Variants in FAM120AOS observed in about 807,000 individuals in gnomAD.
The protein encoded by FAM120AOS is uncharacterized protein FAM120AOS.
FAM120AOS carries 15 observed loss-of-function variants against 20.2 expected under a neutral mutation model. The ratio of observed to expected loss-of-function variants is 0.74; its 90% CI spans 0.50 to 1.15. FAM120AOS has a LOEUF of 1.15. FAM120AOS is among the 50% of genes most tolerant of loss of function. The probability of loss-of-function intolerance (pLI) is 0.00; values close to 1 mark genes in which losing one functional copy is unlikely to be tolerated. For missense variants in FAM120AOS, 327 were observed against 351.9 expected (o/e 0.93, Z 0.57); for synonymous variants, 154 against 154.0 (o/e 1.00, Z 0.00).
intron 1 of FAM120AOS, chr9:93,451,338 G>T: frequency 7.0e-7 from 1 of 1,432,820 alleles, no homozygotes; most frequent in Non-Finnish European, 9.1e-7. Context: ...GACCTGCTTC[G>T]CGGCTTCCCT....
At chr9:93,448,032 C>T (rs937811208) in intron 2 of FAM120AOS, among the ~76,000 whole-genome samples, 1 of 152,202 alleles carries the variant, frequency 6.6e-6, no homozygotes, top group Non-Finnish European at 1.5e-5. Flanking sequence ...GATTAATTTG[C>T]TCTCTTCCAT....
chr9:93,448,919 G>A (rs975216092), intron 2 of FAM120AOS, among the ~76,000 whole-genome samples: 3 of 152,150 alleles, frequency 2.0e-5, no homozygotes, highest in Non-Finnish European at 2.9e-5. Flanking sequence ...CACTGCGCCC[G>A]GCCCAGATGT....
At chr9:93,450,725 A>G in intron 1 of FAM120AOS, 126 bp from the exon 2 acceptor site, 1 of 1,419,056 alleles carries the variant, frequency 7.0e-7, no homozygotes, top group Non-Finnish European at 9.7e-7. Flanking sequence ...TGTTTTATGC[A>G]AGCCTAATAT....
At position 93,452,496 on chromosome 9, in the gene FAM120AOS, G is replaced by A. The variant is rs971938855; in HGVS notation, c.214C>T (p.Arg72Cys). 1 of 1,545,422 alleles carries A rather than the reference G, an allele frequency of 6.5e-7. No individual in the cohort carries two copies. The highest frequency in any genetic ancestry group is 1.9e-5 in the Admixed American group (1 of 51,288). The stretch of plus-strand genomic sequence containing the variant: ...CGGCCGTGGCGGCGCTGGGGGCAGC[G>A]AGTTCCCCCAGCCCTTGCCCGGGAT... Reference protein sequence around the residue: ...RLSRARAGGTRCPQRRHGRAT... With the variant: ...RLSRARAGGTCCPQRRHGRAT... The change falls in exon 1 of 3, where the codon CGC (arginine) becomes TGC (cysteine). Residue 72 changes from arginine to cysteine, a missense_variant. Physicochemically the swap from Arg to Cys is radical, Grantham distance 180. This residue lies in a region of FAM120AOS where 155 missense variants were observed against 128.8 expected (regional missense o/e 1.20). Transcript: ENST00000375412. This position sits in a 1 kb window ranked among gnomAD's most constrained non-coding sequence, Gnocchi z 7.0.
chr9:93,446,640 G>A lies in FAM120AOS; in HGVS notation c.*971C>T, dbSNP rs1439695662. The A allele has an allele frequency of 6.6e-6, 1 of 152,152 alleles. No homozygotes were observed. Among genetic ancestry groups the A allele is most frequent in the East Asian group, 1.9e-4 (1 of 5,202 alleles). 9.4% of individuals were successfully genotyped at this position (152,152 alleles called of 1,614,324 possible). On this transcript the variant is annotated 3_prime_UTR_variant, in exon 3 of 3. Transcript: ENST00000375412. ...AGTACTGTCTTTCAAAGCAGTCCCTGTCAGTTTGTCCATTGATTCCATAGC... is the reference window on the plus strand; with the variant it reads ...AGTACTGTCTTTCAAAGCAGTCCCTATCAGTTTGTCCATTGATTCCATAGC...
intron 1 of FAM120AOS, 134 bp from the exon 2 acceptor site, chr9:93,450,733 T>C (rs1218113728): frequency 1.5e-6 from 2 of 1,361,970 alleles, no homozygotes; most frequent in East Asian, 2.5e-5. Flanking sequence ...GCAAGCCTAA[T>C]ATACATACAG....
Position 93,447,563 on chromosome 9 carries a change from G to T in FAM120AOS, c.*48C>A. On this transcript the variant is annotated 3_prime_UTR_variant, in exon 3 of 3. Transcript: ENST00000375412. ...TTTCCCTCACACGATGGGTATCAGG[G>T]TGGTTTCTTGTCCTTTCAATGCCTC... 1 of 1,502,626 alleles carries T rather than the reference G, an allele frequency of 6.7e-7. No individual in the cohort carries two copies. Among genetic ancestry groups the T allele is most frequent in the Non-Finnish European group, 9.3e-7 (1 of 1,080,254 alleles). The allele number at this position is 1,502,626 out of a possible 1,614,324, so 93.1% of individuals were successfully genotyped here.
chr9:93,449,385 CT>C (rs1179788397), intron 2 of FAM120AOS, among the ~76,000 whole-genome samples: 3 of 151,636 alleles, frequency 2.0e-5, no homozygotes, highest in Non-Finnish European at 4.4e-5. Flanking sequence ...AGGGCACAGA[CT>C]TATCATAAGA....
rs1042755898 is a variant in FAM120AOS, at chr9:93,443,403, T to C, written c.*4208A>G. 6.6e-6 allele frequency among the ~76,000 whole-genome samples: 1 copy of C among 152,224 alleles called. No homozygotes were observed. The highest frequency in any genetic ancestry group is 1.5e-5 in the Non-Finnish European group (1 of 68,036). ...CAAGATTATCAATGTTTTGACAATTTTCAAAAGACAGGAAAAAAATCACAA... is the reference window on the plus strand; with the variant it reads ...CAAGATTATCAATGTTTTGACAATTCTCAAAAGACAGGAAAAAAATCACAA... On this transcript the variant is annotated 3_prime_UTR_variant, in exon 3 of 3. Coordinates refer to ENST00000375412, the MANE Select transcript of FAM120AOS (RefSeq NM_198841.4).
intron 2 of FAM120AOS, among the ~76,000 whole-genome samples, chr9:93,449,459 T>C (rs1856990786): frequency 6.6e-6 from 1 of 151,960 alleles, no homozygotes. Context: ...TGAAAATAAA[T>C]TTATTTCCAG....
rs777827813 is a variant in FAM120AOS at position 93,452,057 on chromosome 9, G to C, written c.563+90C>G. On this transcript the variant is annotated intron_variant, in intron 1 of 2. Transcript: ENST00000375412. The surrounding 1 kb of genome is among the most constrained non-coding windows in gnomAD (Gnocchi z 7.0). ...CCCGCAGACCCCGCTGCGCCTGCTGGTGGACGCCGACAACTGCCTGCACCG... is the reference window on the plus strand; with the variant it reads ...CCCGCAGACCCCGCTGCGCCTGCTGCTGGACGCCGACAACTGCCTGCACCG... The C allele has an allele frequency of 6.3e-7, 1 of 1,589,628 alleles. No individual in the cohort carries two copies. Among genetic ancestry groups the C allele is most frequent in the South Asian group, 1.1e-5 (1 of 88,708 alleles).
chr9:93,451,426 G>A, intron 1 of FAM120AOS: 2 of 1,309,834 alleles, frequency 1.5e-6, no homozygotes, highest in Middle Eastern at 3.0e-4. Context: ...GGGAGCGGCG[G>A]CCGACCGGCC....
rs1173957720 is a variant in FAM120AOS at position 93,447,385 on chromosome 9, TCTGA to T, written c.*222_*225del. On this transcript the variant is annotated 3_prime_UTR_variant, in exon 3 of 3. Coordinates refer to ENST00000375412, the MANE Select transcript of FAM120AOS (RefSeq NM_198841.4). The stretch of plus-strand genomic sequence containing the variant: ...TGTCTTATTTTCTTGTTGACTCTAC[TCTGA>T]CTTAGGACATATCACTTTCCTCTCT... 1 of 484,922 alleles carries T rather than the reference TCTGA, an allele frequency of 2.1e-6. No individual in the cohort carries two copies. Among genetic ancestry groups the T allele is most frequent in the African/African-American group, 1.9e-5 (1 of 52,088 alleles). 30.0% of individuals were successfully genotyped at this position (484,922 alleles called of 1,614,324 possible).
rs1857337787 is a variant in FAM120AOS at position 93,452,895 on chromosome 9, C to G, written c.-186G>C. ...TCAGTGCTGCTGCCGCCGCCCTTGC[C>G]AATGTTGTTAGCCCGGTGACAGCGA... is the stretch of plus-strand genomic sequence containing the variant. On this transcript the variant is annotated 5_prime_UTR_variant, in exon 1 of 3. Coordinates refer to ENST00000375412, the MANE Select transcript of FAM120AOS (RefSeq NM_198841.4). The surrounding 1 kb of genome is among the most constrained non-coding windows in gnomAD (Gnocchi z 7.0). 2 of 1,443,006 alleles carry G rather than the reference C, an allele frequency of 1.4e-6. No individual in the cohort carries two copies. The highest frequency in any genetic ancestry group is 9.0e-7 in the Non-Finnish European group (1 of 1,106,508). 89.4% of individuals were successfully genotyped at this position (1,443,006 alleles called of 1,614,324 possible).
At chr9:93,449,719 CT>C (rs1213038530) in intron 2 of FAM120AOS, among the ~76,000 whole-genome samples, 4 of 152,060 alleles carry the variant, frequency 2.6e-5, no homozygotes, top group Admixed American at 2.6e-4. Context: ...ATCTCTTGAC[CT>C]CGTGATCTGC....
At position 93,447,442 on chromosome 9, in the gene FAM120AOS, A is replaced by G; in HGVS notation, c.*169T>C. ...ACCTTCACATTCAGATGTGTTAATA[A>G]AAGTGGATAAAGACCACTCTAGCTT... On this transcript the variant is annotated 3_prime_UTR_variant, in exon 3 of 3. Transcript: ENST00000375412. The G allele has an allele frequency of 4.8e-6, 3 of 627,134 alleles. No homozygotes were observed. The South Asian group carries it at 5.9e-5, about 12-fold the overall frequency. 38.8% of individuals were successfully genotyped at this position (627,134 alleles called of 1,614,324 possible). A position where few individuals can be genotyped will look rare whatever the true frequency, so the allele number is the denominator to read the frequency against.
Position 93,452,397 on chromosome 9 carries a change from C to G in FAM120AOS, c.313G>C (p.Gly105Arg). ...ATCCGCTTCCACGTCAAGGTGAGGC[C>G]GGGGATCCGGGCGGGCCGGGGACCG... Reference protein sequence around the residue: ...GPGPRPARIPGLTLTWKRMSA... With the variant: ...GPGPRPARIPRLTLTWKRMSA... Residue 105 changes from glycine (G) to arginine (R), a missense_variant, in exon 1 of 3, where the codon GGC (glycine) becomes CGC (arginine). Physicochemically the swap from Gly to Arg is moderately radical, Grantham distance 125 (BLOSUM62 -2). Coordinates refer to ENST00000375412, the MANE Select transcript of FAM120AOS (RefSeq NM_198841.4). The surrounding 1 kb of genome is among the most constrained non-coding windows in gnomAD (Gnocchi z 7.0). 1 of 1,599,582 alleles carries G rather than the reference C, an allele frequency of 6.3e-7. No individual in the cohort carries two copies. Among genetic ancestry groups the G allele is most frequent in the Non-Finnish European group, 8.5e-7 (1 of 1,173,968 alleles).
chr9:93,451,725 C>A, intron 1 of FAM120AOS: 1 of 987,446 alleles, frequency 1.0e-6, no homozygotes, highest in Non-Finnish European at 1.2e-6. Flanking sequence ...GCGGCAGGTC[C>A]CTCCCCAGAC....
At chr9:93,451,258 C>A in intron 1 of FAM120AOS, 3 of 1,498,362 alleles carry the variant, frequency 2.0e-6, no homozygotes, top group South Asian at 1.3e-5. Flanking sequence ...CAGAGTGACT[C>A]GGCCTCGGCT....
Sources: gnomAD v4.1 joint callset for allele counts (sites outside exome capture counted in the v4.1 genomes callset) on GRCh38, gnomAD v4.1.1 for gene constraint, gnomAD v4.1.1 regional missense constraint, Gnocchi (gnomAD v3.1) non-coding constraint, MANE v1.5 for transcripts, NCBI Gene and HGNC (gene_info 2026-07-23, HGNC 2026-07-21) for gene names.